The following EEF1AKMT3 variants were observed in gnomAD, a reference collection of about 807,000 sequenced individuals.
EEF1AKMT3 encodes EEF1A lysine methyltransferase 3.
In EEF1AKMT3, 17 loss-of-function variants were observed where a neutral mutation model predicts 17.8. The observed-to-expected ratio is 0.96, with a 90% confidence interval of 0.65 to 1.43. The LOEUF is 1.43. EEF1AKMT3 is among the 40% of genes most tolerant of loss of function. The pLI is 0.00. For missense variants in EEF1AKMT3, 244 were observed against 285.8 expected (o/e 0.85, Z 1.06); for synonymous variants, 116 against 126.5 (o/e 0.92, Z 0.56).
At chr12:57,780,146 G>C in intron 2 of EEF1AKMT3, 109 bp from the exon 3 acceptor site, 2 of 1,380,698 alleles carry the variant, frequency 1.4e-6, no homozygotes, top group Non-Finnish European at 9.8e-7. Context: ...GCTCTGGGCT[G>C]TCAAGACATT....
At chr12:57,775,819 A>C (rs1466720243) in intron 2 of EEF1AKMT3, among the ~76,000 whole-genome samples, 1 of 152,208 alleles carries the variant, frequency 6.6e-6, no homozygotes, top group African/African-American at 2.4e-5. Context: ...CAGTGAATCA[A>C]ATCACTGTGC....
chr12:57,772,748 CG>C lies in EEF1AKMT3; in HGVS notation c.25del (p.Glu9AsnfsTer32), dbSNP rs1354195089. On this transcript the variant is annotated frameshift_variant, in exon 1 of 3. Coordinates refer to ENST00000300209, the MANE Select transcript of EEF1AKMT3 (RefSeq NM_015433.3). LOFTEE classifies it high-confidence loss of function. This position sits in a 1 kb window ranked among gnomAD's most constrained non-coding sequence, Gnocchi z 4.1. Reference protein sequence around the residue: MADPGPDPESESESVFPRE... With the variant: MADPGPDPXSESESVFPRE... ...GGATGGCGGACCCCGGCCCAGATCC[CG>C]AATCTGAGTCGGAATCGGTGTTCCC... 5 of 1,613,838 alleles carry C rather than the reference CG, an allele frequency of 3.1e-6. No individual in the cohort carries two copies. In the East Asian group the frequency reaches 1.1e-4, roughly 36 times the overall value.
intron 2 of EEF1AKMT3, among the ~76,000 whole-genome samples, chr12:57,773,617 C>T (rs967172681): frequency 2.0e-5 from 3 of 152,014 alleles, no homozygotes; most frequent in Non-Finnish European, 4.4e-5. Context: ...TAGTAGAAGA[C>T]GTTTCACCAT....
intron 2 of EEF1AKMT3, among the ~76,000 whole-genome samples, chr12:57,775,840 A>G (rs1955477431): frequency 6.6e-6 from 1 of 152,154 alleles, no homozygotes; most frequent in African/African-American, 2.4e-5. Flanking sequence ...ACCCAGTGGG[A>G]AACCTAGACA....
In EEF1AKMT3 at chr12:57,772,840, T is replaced by G. The variant is rs1046323150; in HGVS notation, c.116T>G (p.Val39Gly). The G allele has an allele frequency of 1.2e-6, 2 of 1,614,200 alleles. No homozygotes were observed. The highest frequency in any genetic ancestry group is 1.7e-6 in the Non-Finnish European group (2 of 1,180,016). ...EKSQFCFCGH[V>G]LTITQNFGSR... ...AGCCAGTTCTGTTTCTGTGGGCATG[T>G]GCTGACCATCACGCAGAACTTTGGG... Residue 39 changes from valine to glycine, a missense_variant, in exon 1 of 3, where the codon GTG (valine) becomes GGG (glycine). Transcript: ENST00000300209. The surrounding 1 kb of genome is among the most constrained non-coding windows in gnomAD (Gnocchi z 4.1).
At chr12:57,773,836 A>T (rs918904353) in intron 2 of EEF1AKMT3, among the ~76,000 whole-genome samples, 1 of 152,228 alleles carries the variant, frequency 6.6e-6, no homozygotes, top group Non-Finnish European at 1.5e-5. Context: ...AGACTTGCAG[A>T]CATTAAACTT....
chr12:57,773,163 G>C (rs1955455712), intron 2 of EEF1AKMT3, 35 bp downstream of exon 2: 12 of 1,598,826 alleles, frequency 7.5e-6, no homozygotes, highest in Non-Finnish European at 1.0e-5. Flanking sequence ...AGAGAGTGGG[G>C]ACCCAGGGGC....
chr12:57,778,293 C>CTTTTTTTCTTTTTTTT (rs1955492511), intron 2 of EEF1AKMT3, among the ~76,000 whole-genome samples: 1 of 43,994 alleles, frequency 2.3e-5, no homozygotes, highest in Non-Finnish European at 3.9e-5. Context: ...CCATCCTGAG[C>CTTTTTTTCTTTTTTTT]TTTTTTTTTT....
chr12:57,773,250 CA>C, intron 2 of EEF1AKMT3, 122 bp downstream of exon 2: 2 of 912,114 alleles, frequency 2.2e-6, no homozygotes, highest in Non-Finnish European at 1.7e-6. Context: ...TTCTTTTTAA[CA>C]AATTTTTTTT....
In EEF1AKMT3 at chr12:57,773,015, A is replaced by G; in HGVS notation, c.178-2A>G. 3.7e-6 allele frequency: 6 copies of G among 1,614,162 alleles called. No homozygotes were observed. The highest frequency in any genetic ancestry group is 4.2e-6 in the Non-Finnish European group (5 of 1,180,034). On this transcript the variant is annotated splice_acceptor_variant, in intron 1 of 2. Transcript: ENST00000300209. LOFTEE classifies it high-confidence loss of function. The stretch of plus-strand genomic sequence containing the variant: ...TCTTTTTCTCTGTCTTTTCTCCCGT[A>G]GGCCCTGAGCCTGTGCAATTATTTC...
chr12:57,781,108 G>C lies in EEF1AKMT3; in HGVS notation c.*462G>C, dbSNP rs1349546291. ...GGGTCTCACTCTGTCATCCAGGCTG[G>C]AGTGCAGTGGTGTGATCACAGCTCA... is the stretch of plus-strand genomic sequence containing the variant. On this transcript the variant is annotated 3_prime_UTR_variant, in exon 3 of 3. Coordinates refer to ENST00000300209, the MANE Select transcript of EEF1AKMT3 (RefSeq NM_015433.3). The C allele has an allele frequency of 5.2e-6, 1 of 193,414 alleles. No individual in the cohort carries two copies. The highest frequency in any genetic ancestry group is 1.0e-5 in the Non-Finnish European group (1 of 95,694). The allele number at this position is 193,414 out of a possible 1,614,324, so 12.0% of individuals were successfully genotyped here.
chr12:57,779,703 C>T (rs1337772099), intron 2 of EEF1AKMT3, among the ~76,000 whole-genome samples: 1 of 152,218 alleles, frequency 6.6e-6, no homozygotes, highest in Non-Finnish European at 1.5e-5. Flanking sequence ...CAGTATCGAA[C>T]CTGAATCTTC....
intron 2 of EEF1AKMT3, among the ~76,000 whole-genome samples, chr12:57,775,064 C>G (rs189657417): frequency 1.4e-5 from 2 of 141,792 alleles, no homozygotes; most frequent in Admixed American, 1.5e-4. Context: ...AAGATTGCAC[C>G]GTTGCACTCC....
At chr12:57,775,849 C>T (rs1483782864) in intron 2 of EEF1AKMT3, among the ~76,000 whole-genome samples, 1 of 152,188 alleles carries the variant, frequency 6.6e-6, no homozygotes. Flanking sequence ...GAAACCTAGA[C>T]ATCACCTTTG....
At chr12:57,779,018 C>A (rs896800562) in intron 2 of EEF1AKMT3, among the ~76,000 whole-genome samples, 1 of 152,226 alleles carries the variant, frequency 6.6e-6, no homozygotes, top group Non-Finnish European at 1.5e-5. Flanking sequence ...CGCCACCACA[C>A]CCAGCTAATT....
At position 57,772,864 on chromosome 12, in the gene EEF1AKMT3, G is replaced by C. The variant is rs1269997910; in HGVS notation, c.140G>C (p.Gly47Ala). 1 of 1,614,182 alleles carries C rather than the reference G, an allele frequency of 6.2e-7. No individual in the cohort carries two copies. Among genetic ancestry groups the C allele is most frequent in the Admixed American group, 1.7e-5 (1 of 60,032 alleles). The change falls in exon 1 of 3, where the codon GGG (glycine) becomes GCG (alanine). Residue 47 changes from glycine to alanine, a missense_variant. Transcript: ENST00000300209. This position sits in a 1 kb window ranked among gnomAD's most constrained non-coding sequence, Gnocchi z 4.1. ...GTGCTGACCATCACGCAGAACTTTG[G>C]GTCCCGCCTCGGGGTGGCGGCGCGC... is the stretch of plus-strand genomic sequence containing the variant. The part of the protein sequence containing the change: ...GHVLTITQNF[G>A]SRLGVAARVW...
intron 2 of EEF1AKMT3, among the ~76,000 whole-genome samples, chr12:57,776,727 T>G (rs1955482460): frequency 6.6e-6 from 1 of 152,200 alleles, no homozygotes. Context: ...CTTGGTTCAC[T>G]GCAACCTCTG....
chr12:57,779,176 C>T (rs1032347294), intron 2 of EEF1AKMT3, among the ~76,000 whole-genome samples: 1 of 152,280 alleles, frequency 6.6e-6, no homozygotes, highest in South Asian at 2.1e-4. Flanking sequence ...GGTCTCTGGA[C>T]CTTCCAGGTA....
chr12:57,780,129 A>G (rs1287652335), intron 2 of EEF1AKMT3, 126 bp from the exon 3 acceptor site: 10 of 1,135,680 alleles, frequency 8.8e-6, no homozygotes, highest in Non-Finnish European at 1.2e-5. Flanking sequence ...ACTAAAAGCC[A>G]GTGTGGGCTC....
Sources: allele counts gnomAD v4.1 joint callset (sites outside exome capture counted in the v4.1 genomes callset), GRCh38; gene constraint gnomAD v4.1.1; non-coding constraint Gnocchi (gnomAD v3.1); transcripts MANE v1.5; gene names NCBI Gene and HGNC (gene_info 2026-07-23, HGNC 2026-07-21).